CHD3: variants seen among roughly 807,000 people sequenced by gnomAD.
The protein encoded by CHD3 is chromodomain helicase DNA binding protein 3, also known as ATP-dependent chromatin remodeler CHD3.
Under a neutral mutation model 248.9 loss-of-function variants are expected in CHD3, and 52 were observed. The ratio of observed to expected loss-of-function variants is 0.21; its 90% CI spans 0.17 to 0.26. The LOEUF is 0.26. Ranked by LOEUF, CHD3 falls within the 10% of genes least tolerant of loss-of-function variation. The probability of loss-of-function intolerance (pLI) is 1.00; values close to 1 mark genes in which losing one functional copy is unlikely to be tolerated. For missense variants in CHD3, 1,482 were observed against 2,605.8 expected (o/e 0.57, Z 9.39); for synonymous variants, 985 against 985.2 (o/e 1.00, Z 0.00).
chr17:7,892,303 G>A (rs896198098), intron 4 of CHD3, among the ~76,000 whole-genome samples: 1 of 152,120 alleles, frequency 6.6e-6, no homozygotes, highest in African/African-American at 2.4e-5. Context: ...CATCTTCAGG[G>A]CCCATGGAAC....
At position 7,895,285 on chromosome 17, in the gene CHD3, A is replaced by C; in HGVS notation, c.1504-54A>C. 1.9e-6 allele frequency: 3 copies of C among 1,600,836 alleles called. No homozygotes were observed. Among genetic ancestry groups the C allele is most frequent in the Non-Finnish European group, 2.6e-6 (3 of 1,170,680 alleles). On this transcript the variant is annotated intron_variant, in intron 9 of 39. Coordinates refer to ENST00000330494, the MANE Select transcript of CHD3 (RefSeq NM_001005273.3). The surrounding 1 kb of genome is among the most constrained non-coding windows in gnomAD (Gnocchi z 4.9). ...GGGACCCCTATCTTCTCATCTAACAATGGGTTCTTTCTGCCTCTTTCTTTC... is the reference window on the plus strand; with the variant it reads ...GGGACCCCTATCTTCTCATCTAACACTGGGTTCTTTCTGCCTCTTTCTTTC...
At chr17:7,894,290 T>C in intron 7 of CHD3, 25 bp downstream of exon 7, 1 of 1,607,842 alleles carries the variant, frequency 6.2e-7, no homozygotes, top group Non-Finnish European at 8.5e-7. Context: ...CTGTGTGTGA[T>C]CCTGTCAGTG....
Position 7,903,184 on chromosome 17 carries a change from A to C in CHD3, c.3496-88A>C, listed in dbSNP as rs1970517992. 2 of 1,571,002 alleles carry C rather than the reference A, an allele frequency of 1.3e-6. No individual in the cohort carries two copies. The highest frequency in any genetic ancestry group is 1.7e-6 in the Non-Finnish European group (2 of 1,148,610). On this transcript the variant is annotated intron_variant, in intron 22 of 39. Transcript: ENST00000330494. The surrounding 1 kb of genome is among the most constrained non-coding windows in gnomAD (Gnocchi z 6.8). The stretch of plus-strand genomic sequence containing the variant: ...CTGGGAGGAGAGAAGGCCCTTCTTC[A>C]GCAGCCTTCTTTCCTGAGGCAGCTC...
In CHD3 at chr17:7,900,745, C is replaced by T. The variant is rs371870070; in HGVS notation, c.2978+14C>T. The T allele has an allele frequency of 1.4e-5, 22 of 1,610,396 alleles. No homozygotes were observed. Among genetic ancestry groups the T allele is most frequent in the East Asian group, 2.2e-5 (1 of 44,772 alleles). ...CCCCATGCAGAAGTAAGATGCAAGA[C>T]GAGCTGCCTGGAGTAGGGCTTGGGG... is the stretch of plus-strand genomic sequence containing the variant. On this transcript the variant is annotated intron_variant, in intron 18 of 39. Transcript: ENST00000330494. This position sits in a 1 kb window ranked among gnomAD's most constrained non-coding sequence, Gnocchi z 6.5.
At position 7,909,590 on chromosome 17, in the gene CHD3, G is replaced by T; in HGVS notation, c.5590+252G>T. ...AATAGAGGGACCTGCCCCAGCCTCTGTGTCCCCTCCACACAGTGGGGCCTC... is the reference window on the plus strand; with the variant it reads ...AATAGAGGGACCTGCCCCAGCCTCTTTGTCCCCTCCACACAGTGGGGCCTC... On this transcript the variant is annotated intron_variant, in intron 37 of 39. Coordinates refer to ENST00000330494, the MANE Select transcript of CHD3 (RefSeq NM_001005273.3). The surrounding 1 kb of genome is among the most constrained non-coding windows in gnomAD (Gnocchi z 8.1). 1.8e-6 allele frequency: 1 copy of T among 554,502 alleles called. No homozygotes were observed. 34.3% of individuals were successfully genotyped at this position (554,502 alleles called of 1,614,324 possible). A position where few individuals can be genotyped will look rare whatever the true frequency, so the allele number is the denominator to read the frequency against.
Position 7,902,258 on chromosome 17 carries a change from C to G in CHD3, c.3253-352C>G, listed in dbSNP as rs191034513. Among the ~76,000 whole-genome samples the G allele has an allele frequency of 1.9e-4, 29 of 151,868 alleles. No homozygotes were observed. In the East Asian group the frequency reaches 3.1e-3, roughly 16 times the overall value. On this transcript the variant is annotated intron_variant, in intron 20 of 39. Coordinates refer to ENST00000330494, the MANE Select transcript of CHD3 (RefSeq NM_001005273.3). ...CCAACATGGTGAAACCCTGTCTCTA[C>G]TTAAAATACAAAAATTAGCTGGGCG...
rs376670741 is a variant in CHD3, at chr17:7,890,698, A to C, written c.341A>C (p.Lys114Thr). Residue 114 changes from lysine to threonine, a missense_variant, in exon 3 of 40, where the codon AAG becomes ACG. Coordinates refer to ENST00000330494, the MANE Select transcript of CHD3 (RefSeq NM_001005273.3). ...RRKHREKKEK[K>T]TKRRKKGEGD... ...AAGCACCGAGAAAAAAAGGAGAAGA[A>C]GACAAAGCGGCGGAAAAAGGGGGAG... is the stretch of plus-strand genomic sequence containing the variant. The C allele has an allele frequency of 1.2e-5, 18 of 1,526,420 alleles. No homozygotes were observed. The highest frequency in any genetic ancestry group is 2.7e-5 in the East Asian group (1 of 36,742). The allele number at this position is 1,526,420 out of a possible 1,614,324, so 94.6% of individuals were successfully genotyped here. A position where few individuals can be genotyped will look rare whatever the true frequency, so the allele number is the denominator to read the frequency against.
At chr17:7,891,557 A>G (rs1797730542) in intron 4 of CHD3, among the ~76,000 whole-genome samples, 1 of 152,188 alleles carries the variant, frequency 6.6e-6, no homozygotes, top group Admixed American at 6.5e-5. Flanking sequence ...AGAGAATAGT[A>G]GAGTAGAAAA....
In CHD3 at chr17:7,906,782, T is replaced by TG. The variant is rs1971011312; in HGVS notation, c.4503+86dup. The TG allele has an allele frequency of 6.3e-7, 1 of 1,589,220 alleles. No homozygotes were observed. Among genetic ancestry groups the TG allele is most frequent in the Admixed American group, 1.7e-5 (1 of 57,660 alleles). On this transcript the variant is annotated intron_variant, in intron 29 of 39. Coordinates refer to ENST00000330494, the MANE Select transcript of CHD3 (RefSeq NM_001005273.3). The surrounding 1 kb of genome is among the most constrained non-coding windows in gnomAD (Gnocchi z 5.0). ...TGCCTCTGTCCCTGAGTTGTAAGCT[T>TG]GCGCTGGTGTGAGACGGAGGAGACT...
chr17:7,891,882 A>G (rs942750430), intron 4 of CHD3, among the ~76,000 whole-genome samples: 2 of 152,066 alleles, frequency 1.3e-5, no homozygotes, highest in South Asian at 2.1e-4. Context: ...AAAAGAAAAA[A>G]TAGTGCCGAT....
rs1597991437 is a variant in CHD3, at chr17:7,905,974, C to T, written c.4343C>T (p.Thr1448Ile). 6.2e-7 allele frequency: 1 copy of T among 1,614,050 alleles called. No homozygotes were observed. The highest frequency in any genetic ancestry group is 8.5e-7 in the Non-Finnish European group (1 of 1,180,002). ...QWLVRDLRGK[T>I]EKEFKAYVSL... ...CTGGTGCGGGACCTGAGGGGCAAGA[C>T]TGAGAAGGAGTTTAAGTGAGTGTGG... is the stretch of plus-strand genomic sequence containing the variant. The change falls in exon 28 of 40, where the codon ACT becomes ATT. Residue 1448 changes from threonine (T) to isoleucine (I), a missense_variant. By Grantham distance (89) the Thr-to-Ile change is moderately conservative. Coordinates refer to ENST00000330494, the MANE Select transcript of CHD3 (RefSeq NM_001005273.3). This position sits in a 1 kb window ranked among gnomAD's most constrained non-coding sequence, Gnocchi z 5.8.
At chr17:7,884,890 C>A, upstream of CHD3, 2 of 1,297,696 alleles carry the variant, frequency 1.5e-6, no homozygotes, top group East Asian at 3.2e-5. Flanking sequence ...AAGAAGAGGG[C>A]GACGAGGAGG....
Position 7,897,388 on chromosome 17 carries a change from T to A in CHD3, c.1919+94T>A. 1 of 1,090,272 alleles carries A rather than the reference T, an allele frequency of 9.2e-7. No individual in the cohort carries two copies. The highest frequency in any genetic ancestry group is 1.4e-6 in the Non-Finnish European group (1 of 736,160). The allele number at this position is 1,090,272 out of a possible 1,614,324, so 67.5% of individuals were successfully genotyped here. A position where few individuals can be genotyped will look rare whatever the true frequency, so the allele number is the denominator to read the frequency against. On this transcript the variant is annotated intron_variant, in intron 11 of 39. Coordinates refer to ENST00000330494, the MANE Select transcript of CHD3 (RefSeq NM_001005273.3). The surrounding 1 kb of genome is among the most constrained non-coding windows in gnomAD (Gnocchi z 4.8). ...TGTTAGTATTTGCTGATTAACCAGGTAATTGATCTAACCTTGATAACCTCT... is the reference window on the plus strand; with the variant it reads ...TGTTAGTATTTGCTGATTAACCAGGAAATTGATCTAACCTTGATAACCTCT...
In CHD3 at chr17:7,903,139, G is replaced by T. The variant is rs1567861121; in HGVS notation, c.3495+78G>T. 3.2e-6 allele frequency: 5 copies of T among 1,580,122 alleles called. No individual in the cohort carries two copies. Among genetic ancestry groups the T allele is most frequent in the African/African-American group, 2.7e-5 (2 of 74,086 alleles). ...TCATGGAGGAGGGTGTCATGTTCCG[G>T]GGTCAGAAATAAATCTCTTCTGGGA... On this transcript the variant is annotated intron_variant, in intron 22 of 39. Transcript: ENST00000330494. The surrounding 1 kb of genome is among the most constrained non-coding windows in gnomAD (Gnocchi z 6.8).
At chr17:7,892,144 A>T (rs185029531) in intron 4 of CHD3, among the ~76,000 whole-genome samples, 1 of 152,340 alleles carries the variant, frequency 6.6e-6, no homozygotes, top group Non-Finnish European at 1.5e-5. Context: ...GGTGACTGTC[A>T]TTAGTAACGT....
In CHD3 at chr17:7,905,557, C is replaced by A; in HGVS notation, c.4139-64C>A. On this transcript the variant is annotated intron_variant, in intron 26 of 39. Transcript: ENST00000330494. This position sits in a 1 kb window ranked among gnomAD's most constrained non-coding sequence, Gnocchi z 5.8. Reference sequence around the variant, plus strand: ...TTGTGTATCTTGTGGGAATGGGGTGCTAAGGAGGACTGAGGCTTAGAGGAG... The same window carrying A: ...TTGTGTATCTTGTGGGAATGGGGTGATAAGGAGGACTGAGGCTTAGAGGAG... The A allele has an allele frequency of 8.1e-7, 1 of 1,235,398 alleles. No homozygotes were observed. The highest frequency in any genetic ancestry group is 1.1e-6 in the Non-Finnish European group (1 of 887,130). 76.5% of individuals were successfully genotyped at this position (1,235,398 alleles called of 1,614,324 possible).
rs1313938382 is a variant in CHD3 at position 7,909,269 on chromosome 17, G to A, written c.5521G>A (p.Glu1841Lys). The change falls in exon 37 of 40, where the codon GAG becomes AAG. Residue 1841 changes from glutamate (E) to lysine (K), a missense_variant. Transcript: ENST00000330494. This position sits in a 1 kb window ranked among gnomAD's most constrained non-coding sequence, Gnocchi z 8.1. Reference protein sequence around the residue: ...ARFAEAECLAESHQHLSKESL... With the variant: ...ARFAEAECLAKSHQHLSKESL... ...CTTCGCCGAGGCCGAGTGCCTGGCC[G>A]AGAGCCACCAGCACCTCTCCAAGGA... The A allele has an allele frequency of 1.6e-5, 25 of 1,557,252 alleles. No individual in the cohort carries two copies. Among genetic ancestry groups the A allele is most frequent in the Non-Finnish European group, 2.0e-5 (23 of 1,152,210 alleles).
upstream of CHD3, chr17:7,888,727 GGTGCGCGCGT>G (rs1968373078): frequency 2.1e-6 from 2 of 939,932 alleles, no homozygotes; most frequent in African/African-American, 1.7e-5. Context: ...TGTGGGTGTG[GGTGCGCGCGT>G]GCGCGCGCGT....
chr17:7,890,630 G>A lies in CHD3; in HGVS notation c.273G>A (p.Gly91=). ...RDEYREKSES[G]GSEYGTGPGR... is the part of the protein sequence containing the mutation. ...AGTACCGGGAGAAGTCAGAGAGTGGGGGCAGTGAATATGGAACCGGACCGG... is the reference window on the plus strand; with the variant it reads ...AGTACCGGGAGAAGTCAGAGAGTGGAGGCAGTGAATATGGAACCGGACCGG... The change falls in exon 3 of 40, where the codon GGG becomes GGA. Residue 91 remains glycine (G), a synonymous_variant. Coordinates refer to ENST00000330494, the MANE Select transcript of CHD3 (RefSeq NM_001005273.3). 6.2e-7 allele frequency: 1 copy of A among 1,610,508 alleles called. No individual in the cohort carries two copies. Among genetic ancestry groups the A allele is most frequent in the South Asian group, 1.1e-5 (1 of 90,344 alleles).
Sources: allele counts gnomAD v4.1 joint callset (sites outside exome capture counted in the v4.1 genomes callset), GRCh38; gene constraint gnomAD v4.1.1; non-coding constraint Gnocchi (gnomAD v3.1); transcripts MANE v1.5; gene names NCBI Gene and HGNC (gene_info 2026-07-23, HGNC 2026-07-21).